ARHGAP28: variants seen among roughly 807,000 people sequenced by gnomAD.
The protein encoded by ARHGAP28 is rho GTPase-activating protein 28.
A neutral mutation model predicts 90.7 loss-of-function variants in ARHGAP28; 56 were observed. The observed-to-expected ratio is 0.62, with a 90% CI of 0.50 to 0.77. The LOEUF (loss-of-function observed/expected upper bound fraction) is 0.77. Among genes scored for constraint, ARHGAP28 ranks in the 30% least tolerant of loss-of-function variants. The pLI is 0.00. For missense variants in ARHGAP28, 869 were observed against 900.9 expected (o/e 0.96, Z 0.45); for synonymous variants, 308 against 323.3 (o/e 0.95, Z 0.51).
intron 4 of ARHGAP28, among the ~76,000 whole-genome samples, chr18:6,855,398 A>G (rs1419094955): frequency 6.6e-6 from 1 of 152,160 alleles, no homozygotes; most frequent in East Asian, 1.9e-4. Context: ...ATCAGGGACT[A>G]CCAATTGTGG....
intron 1 of ARHGAP28, among the ~76,000 whole-genome samples, chr18:6,819,143 A>T (rs1483892030): frequency 6.6e-6 from 1 of 152,214 alleles, no homozygotes; most frequent in African/African-American, 2.4e-5. Flanking sequence ...TGTCTTTTAA[A>T]AATATTTTTT....
chr18:6,773,440 A>G (rs12968323), intron 1 of ARHGAP28, among the ~76,000 whole-genome samples: 3 of 152,352 alleles, frequency 2.0e-5, no homozygotes, highest in Admixed American at 6.5e-5. Flanking sequence ...AGGGCCAAGT[A>G]TAGGGTCTTT....
At chr18:6,786,064 A>G (rs1466336781) in intron 1 of ARHGAP28, among the ~76,000 whole-genome samples, 2 of 152,186 alleles carry the variant, frequency 1.3e-5, no homozygotes, top group Admixed American at 6.5e-5. Flanking sequence ...GAGAAGTTCT[A>G]TTGGGAGGAA....
chr18:6,835,721 T>C (rs895878746), intron 2 of ARHGAP28, among the ~76,000 whole-genome samples: 1 of 152,306 alleles, frequency 6.6e-6, no homozygotes, highest in African/African-American at 2.4e-5. Flanking sequence ...TTTCTATATA[T>C]TGAGGAATTT....
In ARHGAP28 at chr18:6,787,582, A is replaced by T. The variant is rs543617742; in HGVS notation, c.123-37180A>T. 7.5e-4 allele frequency among the ~76,000 whole-genome samples: 114 copies of T among 152,308 alleles called. 1 individual carries two copies. Among genetic ancestry groups the T allele is most frequent in the African/African-American group, 2.4e-3 (98 of 41,572 alleles). Reference sequence around the variant, plus strand: ...ATTCTGATCGTTTTTATCTAAGACAATATAGCATAATGCCTGTGGCACAGA... The same window carrying T: ...ATTCTGATCGTTTTTATCTAAGACATTATAGCATAATGCCTGTGGCACAGA... On this transcript the variant is annotated intron_variant, in intron 1 of 17. Transcript: ENST00000383472.
chr18:6,827,796 C>T (rs1034310022), intron 2 of ARHGAP28, among the ~76,000 whole-genome samples: 83 of 151,818 alleles, frequency 5.5e-4, no homozygotes, highest in African/African-American at 1.9e-3. Context: ...ACGGGGCGGC[C>T]GGGCAGAGAC....
chr18:6,816,601 C>T (rs576620423), intron 1 of ARHGAP28, among the ~76,000 whole-genome samples: 3 of 152,086 alleles, frequency 2.0e-5, no homozygotes, highest in Non-Finnish European at 4.4e-5. Context: ...AGAGGGAAGG[C>T]GAAATCTTTG....
chr18:6,774,706 T>C, intron 1 of ARHGAP28, among the ~76,000 whole-genome samples: 1 of 152,232 alleles, frequency 6.6e-6, no homozygotes, highest in East Asian at 1.9e-4. Context: ...TTAATGGAAT[T>C]AATGCACATC....
intron 3 of ARHGAP28, among the ~76,000 whole-genome samples, chr18:6,841,355 C>T (rs927708786): frequency 1.3e-5 from 2 of 151,182 alleles, no homozygotes; most frequent in African/African-American, 2.4e-5. Context: ...TTCCATTTCA[C>T]TTTCTTAGTG....
intron 14 of ARHGAP28, among the ~76,000 whole-genome samples, chr18:6,893,903 G>A (rs892748917): frequency 1.6e-5 from 2 of 125,986 alleles, no homozygotes; most frequent in African/African-American, 6.2e-5. Context: ...GTCTTGCTCT[G>A]TCACCCAGGC....
At chr18:6,892,998 A>G (rs528901837) in intron 14 of ARHGAP28, among the ~76,000 whole-genome samples, 1 of 152,326 alleles carries the variant, frequency 6.6e-6, no homozygotes, top group East Asian at 1.9e-4. Context: ...AGAATATGTT[A>G]AGGCTTTTTA....
intron 2 of ARHGAP28, among the ~76,000 whole-genome samples, chr18:6,835,324 A>G (rs2056745243): frequency 6.6e-6 from 1 of 152,228 alleles, no homozygotes; most frequent in South Asian, 2.1e-4. Context: ...GCTTATCTAT[A>G]GCTTAAGGAA....
intron 1 of ARHGAP28, among the ~76,000 whole-genome samples, chr18:6,782,195 G>A (rs969034579): frequency 6.6e-6 from 1 of 152,076 alleles, no homozygotes; most frequent in Non-Finnish European, 1.5e-5. Flanking sequence ...CATGTCCTTG[G>A]TTTAGGGAGT....
At chr18:6,751,973 A>G (rs2056073115) in intron 1 of ARHGAP28, among the ~76,000 whole-genome samples, 1 of 152,206 alleles carries the variant, frequency 6.6e-6, no homozygotes, top group African/African-American at 2.4e-5. Flanking sequence ...TTAAAAAAAA[A>G]AATTCCAGGC....
intron 11 of ARHGAP28, among the ~76,000 whole-genome samples, chr18:6,883,630 A>G (rs556624): frequency 0.81 from 123,759 of 152,088 alleles, 50,572 homozygotes; most frequent in Non-Finnish European, 0.86. Context: ...GGCCAGAACT[A>G]CAATTTCATA....
intron 17 of ARHGAP28, among the ~76,000 whole-genome samples, chr18:6,910,802 C>A (rs1447351365): frequency 6.6e-6 from 1 of 151,230 alleles, no homozygotes; most frequent in Non-Finnish European, 1.5e-5. Flanking sequence ...CAACCTAGCA[C>A]TCACACAGCT....
At chr18:6,871,581 G>T (rs2057089964) in intron 7 of ARHGAP28, among the ~76,000 whole-genome samples, 1 of 152,174 alleles carries the variant, frequency 6.6e-6, no homozygotes, top group Non-Finnish European at 1.5e-5. Flanking sequence ...ATATCCAGGA[G>T]GCCTAATAGA....
rs929946544 is a variant in ARHGAP28, at chr18:6,865,952, A to T, written c.727-2198A>T. Among the ~76,000 whole-genome samples, 12 of 152,280 alleles carry T rather than the reference A, an allele frequency of 7.9e-5. 2 individuals carry two copies. The highest frequency in any genetic ancestry group is 2.0e-4 in the Admixed American group (3 of 15,282). On this transcript the variant is annotated intron_variant, in intron 5 of 17. Coordinates refer to ENST00000383472, the MANE Select transcript of ARHGAP28 (RefSeq NM_001366230.1). ...GGGCTCAGTTATGAACAAGCTGGGG[A>T]AGGTTGCTTTAAATGGGGGTGGTCT... is the stretch of plus-strand genomic sequence containing the variant.
chr18:6,891,547 G>T (rs959353174), intron 14 of ARHGAP28, among the ~76,000 whole-genome samples: 3 of 152,020 alleles, frequency 2.0e-5, no homozygotes, highest in African/African-American at 7.2e-5. Flanking sequence ...GCCTCCCGAA[G>T]TGCTGAGATT....
Sources: allele counts gnomAD v4.1 joint callset (sites outside exome capture counted in the v4.1 genomes callset), GRCh38; gene constraint gnomAD v4.1.1; transcripts MANE v1.5; gene names NCBI Gene and HGNC (gene_info 2026-07-23, HGNC 2026-07-21).